Variants in ARHGAP15 observed in about 807,000 individuals in gnomAD.
ARHGAP15 encodes Rho GTPase activating protein 15, also known as rho GTPase-activating protein 15.
ARHGAP15 carries 51 observed loss-of-function variants against 63.7 expected under a neutral mutation model. The observed-to-expected ratio is 0.80, with a 90% CI of 0.64 to 1.01. The LOEUF (loss-of-function observed/expected upper bound fraction) is 1.01. Among genes scored for constraint, ARHGAP15 ranks in the 50% least tolerant of loss-of-function variants. The pLI is 0.00. For synonymous variants in ARHGAP15, 191 were observed against 193.8 expected (o/e 0.99, Z 0.12); for missense variants, 560 against 564.6 (o/e 0.99, Z 0.08).
chr2:143,506,159 A>G (rs1332350885), intron 9 of ARHGAP15, among the ~76,000 whole-genome samples: 3 of 152,340 alleles, frequency 2.0e-5, no homozygotes, highest in Non-Finnish European at 2.9e-5. Flanking sequence ...CTTCTTTCCT[A>G]GGTTTTACTT....
intron 2 of ARHGAP15, among the ~76,000 whole-genome samples, chr2:143,190,454 G>C (rs1301259541): frequency 6.6e-6 from 1 of 152,176 alleles, no homozygotes; most frequent in African/African-American, 2.4e-5. Context: ...ACATATCTGG[G>C]AGGTTGACTG....
intron 6 of ARHGAP15, among the ~76,000 whole-genome samples, chr2:143,281,581 G>A (rs769844787): frequency 2.6e-5 from 4 of 151,966 alleles, no homozygotes; most frequent in East Asian, 1.9e-4. Flanking sequence ...GTGGACTCCC[G>A]GGAAACGGGC....
chr2:143,372,743 T>G (rs1330707917), intron 6 of ARHGAP15, among the ~76,000 whole-genome samples: 5 of 152,164 alleles, frequency 3.3e-5, no homozygotes, highest in Non-Finnish European at 7.4e-5. Context: ...TTCACAGGCC[T>G]CCCTGGAGTC....
intron 1 of ARHGAP15, among the ~76,000 whole-genome samples, chr2:143,152,504 T>C (rs997245458): frequency 2.0e-5 from 3 of 152,008 alleles, no homozygotes; most frequent in African/African-American, 4.8e-5. Context: ...TGTTTCTCTA[T>C]TGCCCTCACC....
rs558504032 is a variant in ARHGAP15 at position 143,496,347 on chromosome 2, A to G, written c.826+8852A>G. ...CACAGGAAACAATCCAGGTCTTGTG[A>G]GATATTAAAAGCAGAATAGCTTTGG... On this transcript the variant is annotated intron_variant, in intron 9 of 13. Coordinates refer to ENST00000295095, the MANE Select transcript of ARHGAP15 (RefSeq NM_018460.4). 8.5e-5 allele frequency among the ~76,000 whole-genome samples: 13 copies of G among 152,320 alleles called. No individual in the cohort carries two copies. The East Asian group carries it at 1.5e-3, about 18-fold the overall frequency.
At chr2:143,481,899 C>CT (rs949520335) in intron 8 of ARHGAP15, among the ~76,000 whole-genome samples, 20 of 152,168 alleles carry the variant, frequency 1.3e-4, no homozygotes, top group African/African-American at 4.8e-4. Flanking sequence ...CCAATTAAGT[C>CT]TCTCAACTGG....
At chr2:143,506,284 G>A (rs1693317994) in intron 9 of ARHGAP15, among the ~76,000 whole-genome samples, 1 of 152,162 alleles carries the variant, frequency 6.6e-6, no homozygotes, top group South Asian at 2.1e-4. Context: ...GTGCCTTAAA[G>A]ATAAATCATT....
At chr2:143,691,538 A>G (rs551574695) in intron 12 of ARHGAP15, among the ~76,000 whole-genome samples, 2 of 152,284 alleles carry the variant, frequency 1.3e-5, no homozygotes, top group East Asian at 3.9e-4. Flanking sequence ...AAAAATGGCT[A>G]TTATTGGTTA....
At chr2:143,262,634 C>T (rs1466620316) in intron 6 of ARHGAP15, among the ~76,000 whole-genome samples, 1 of 148,674 alleles carries the variant, frequency 6.7e-6, no homozygotes. Context: ...CAAGACATCT[C>T]ACTGAATCAT....
At chr2:143,405,128 C>G (rs1012517491) in intron 6 of ARHGAP15, among the ~76,000 whole-genome samples, 2 of 151,826 alleles carry the variant, frequency 1.3e-5, no homozygotes, top group African/African-American at 4.8e-5. Context: ...ATTTGTAATG[C>G]AAATAAATCT....
At chr2:143,194,422 G>A (rs1025215296) in intron 2 of ARHGAP15, among the ~76,000 whole-genome samples, 36 of 152,094 alleles carry the variant, frequency 2.4e-4, no homozygotes, top group Non-Finnish European at 5.9e-5. Flanking sequence ...CTATAGCTTT[G>A]GCTTTGATGA....
chr2:143,538,448 G>A lies in ARHGAP15; in HGVS notation c.926-17960G>A, dbSNP rs560484464. 2.0e-3 allele frequency among the ~76,000 whole-genome samples: 303 copies of A among 152,278 alleles called. 1 individual carries two copies. Among genetic ancestry groups the A allele is most frequent in the Non-Finnish European group, 3.6e-3 (242 of 68,024 alleles). ...AGGAGTGGTGAGAGAGGGCATCCCT[G>A]TCTTGTGCCAGTTTTCAAAGGGAAT... is the stretch of plus-strand genomic sequence containing the variant. On this transcript the variant is annotated intron_variant, in intron 10 of 13. Transcript: ENST00000295095.
At chr2:143,255,301 A>T (rs1266675495) in intron 6 of ARHGAP15, among the ~76,000 whole-genome samples, 1 of 152,022 alleles carries the variant, frequency 6.6e-6, no homozygotes, top group Admixed American at 6.6e-5. Flanking sequence ...AACCTCAACA[A>T]ATATCATGGT....
In ARHGAP15 at chr2:143,439,554, G is replaced by A. The variant is rs1382462147; in HGVS notation, c.703+2512G>A. Among the ~76,000 whole-genome samples, 3 of 143,140 alleles carry A rather than the reference G, an allele frequency of 2.1e-5. No homozygotes were observed. The East Asian group carries it at 6.6e-4, about 32-fold the overall frequency. The allele number at this position is 143,140 out of a possible 152,430, so 93.9% of individuals were successfully genotyped here. Reference sequence around the variant, plus strand: ...AAGTTAAAAAAAAACTAGAAAATATGAAACATTTACTGTGCACCAGGCACT... The same window carrying A: ...AAGTTAAAAAAAAACTAGAAAATATAAAACATTTACTGTGCACCAGGCACT... On this transcript the variant is annotated intron_variant, in intron 8 of 13. Coordinates refer to ENST00000295095, the MANE Select transcript of ARHGAP15 (RefSeq NM_018460.4).
At chr2:143,391,343 T>C (rs1238230124) in intron 6 of ARHGAP15, among the ~76,000 whole-genome samples, 1 of 152,190 alleles carries the variant, frequency 6.6e-6, no homozygotes, top group East Asian at 1.9e-4. Context: ...TCAGGATAAT[T>C]AACTGTAGTG....
intron 12 of ARHGAP15, among the ~76,000 whole-genome samples, chr2:143,662,826 T>C (rs1461122467): frequency 2.4e-5 from 3 of 124,760 alleles, no homozygotes. Context: ...CAATGGAAGA[T>C]GAAATGAATG....
intron 1 of ARHGAP15, among the ~76,000 whole-genome samples, chr2:143,131,171 A>G (rs750613808): frequency 3.3e-5 from 5 of 152,220 alleles, no homozygotes; most frequent in Non-Finnish European, 7.4e-5. Context: ...AATGAATTGA[A>G]GAGAGCTTGA....
chr2:143,765,377 G>T (rs1686914245), intron 13 of ARHGAP15, among the ~76,000 whole-genome samples: 1 of 152,008 alleles, frequency 6.6e-6, no homozygotes, highest in East Asian at 1.9e-4. Context: ...CACTCAATAG[G>T]ATTTTGGCAA....
intron 13 of ARHGAP15, among the ~76,000 whole-genome samples, chr2:143,723,548 C>G (rs1685154333): frequency 6.6e-6 from 1 of 152,166 alleles, no homozygotes; most frequent in Non-Finnish European, 1.5e-5. Context: ...GAGTCCCAGA[C>G]AGTGCCACAG....
Sources: gnomAD v4.1 joint callset for allele counts (sites outside exome capture counted in the v4.1 genomes callset) on GRCh38, gnomAD v4.1.1 for gene constraint, MANE v1.5 for transcripts, NCBI Gene and HGNC (gene_info 2026-07-23, HGNC 2026-07-21) for gene names.